The following SPAG17 variants were observed in gnomAD, a reference collection of about 807,000 sequenced individuals.
SPAG17 encodes sperm associated antigen 17.
In SPAG17, 169 loss-of-function variants were observed where a neutral mutation model predicts 273.6. The ratio of observed to expected loss-of-function variants is 0.62; its 90% CI spans 0.55 to 0.70. The LOEUF (loss-of-function observed/expected upper bound fraction) is 0.70. Ranked by LOEUF, SPAG17 falls within the 30% of genes least tolerant of loss-of-function variation. The pLI is 0.00. For synonymous variants in SPAG17, 825 were observed against 873.2 expected (o/e 0.94, Z 0.97); for missense variants, 2,557 against 2,627.8 (o/e 0.97, Z 0.59).
At chr1:118,084,227 G>C (rs1654820144) in intron 13 of SPAG17, among the ~76,000 whole-genome samples, 1 of 152,146 alleles carries the variant, frequency 6.6e-6, no homozygotes, top group African/African-American at 2.4e-5. Flanking sequence ...ATGTCCAGGA[G>C]TCAATGGTAG....
At position 118,023,317 on chromosome 1, in the gene SPAG17, G is replaced by A. The variant is rs1446286327; in HGVS notation, c.4056C>T (p.Thr1352=). ...QKSETIPSEI[T]NTKKGKSHKS... ...TTCAATTGTTACCTTTCTTTGTGTT[G>A]GTAATCTCAGATGGTATCGTTTCTG... The change falls in exon 28 of 49, where the codon ACC becomes ACT. Residue 1352 remains threonine (T), a synonymous_variant. Transcript: ENST00000336338. 2 of 1,609,464 alleles carry A rather than the reference G, an allele frequency of 1.2e-6. No homozygotes were observed. The highest frequency in any genetic ancestry group is 1.7e-6 in the Non-Finnish European group (2 of 1,177,442).
At chr1:118,034,106 C>T (rs1648796523) in intron 24 of SPAG17, among the ~76,000 whole-genome samples, 1 of 152,138 alleles carries the variant, frequency 6.6e-6, no homozygotes, top group Non-Finnish European at 1.5e-5. Context: ...TCTGGAAATT[C>T]CCCTCCTCAT....
intron 17 of SPAG17, among the ~76,000 whole-genome samples, chr1:118,069,715 A>G (rs886707972): frequency 6.6e-6 from 1 of 152,214 alleles, no homozygotes; most frequent in Non-Finnish European, 1.5e-5. Flanking sequence ...GAGATCATCA[A>G]AGAAGGGTGT....
chr1:118,137,913 A>C (rs1280572008), intron 3 of SPAG17, among the ~76,000 whole-genome samples: 1 of 152,238 alleles, frequency 6.6e-6, no homozygotes, highest in Non-Finnish European at 1.5e-5. Flanking sequence ...AGAATTTCAG[A>C]AATAGAGGTC....
chr1:118,160,191 C>A (rs1467317369), intron 1 of SPAG17, among the ~76,000 whole-genome samples: 1 of 152,146 alleles, frequency 6.6e-6, no homozygotes, highest in East Asian at 1.9e-4. Context: ...AAGCTACAAC[C>A]TTTCATCAAC....
At chr1:117,995,226 T>G (rs992659057) in intron 34 of SPAG17, among the ~76,000 whole-genome samples, 7 of 152,144 alleles carry the variant, frequency 4.6e-5, no homozygotes, top group Non-Finnish European at 8.8e-5. Flanking sequence ...GGAAGCCTTC[T>G]TGACTATGTC....
At chr1:118,042,097 T>C (rs1292799678) in intron 20 of SPAG17, 55 bp from the exon 21 acceptor site, 1 of 1,563,080 alleles carries the variant, frequency 6.4e-7, no homozygotes, top group East Asian at 2.2e-5. Flanking sequence ...AAACATAGGT[T>C]CCATTCAGGT....
chr1:118,091,708 G>T lies in SPAG17; in HGVS notation c.1257C>A (p.Val419=). The T allele has an allele frequency of 6.3e-7, 1 of 1,582,188 alleles. No homozygotes were observed. The highest frequency in any genetic ancestry group is 1.1e-5 in the South Asian group (1 of 90,070). ...EPQAPPPVTS[V]ITTEVDMRYY... is the part of the protein sequence containing the mutation. Reference sequence around the variant, plus strand: ...ATCTCATGTCTACTTCAGTTGTGATGACTGAAGTCACTGTAAAATATAGAA... The same window carrying T: ...ATCTCATGTCTACTTCAGTTGTGATTACTGAAGTCACTGTAAAATATAGAA... The change falls in exon 10 of 49, where the codon GTC becomes GTA. Residue 419 remains valine (V), a synonymous_variant. Transcript: ENST00000336338.
At chr1:117,962,716 C>G (rs1342918207) in intron 48 of SPAG17, 1 of 152,182 alleles carries the variant, frequency 6.6e-6, no homozygotes, top group Non-Finnish European at 1.5e-5. Flanking sequence ...TTCTCAATGG[C>G]AAATGTCATA....
At chr1:118,132,273 G>A (rs75198581) in intron 3 of SPAG17, among the ~76,000 whole-genome samples, 6,994 of 152,144 alleles carry the variant, frequency 0.046, 249 homozygotes, top group Non-Finnish European at 0.076. Flanking sequence ...GGAGAGCAGT[G>A]ACCCAGGAAG....
chr1:118,124,588 T>C (rs1456535452), intron 3 of SPAG17, among the ~76,000 whole-genome samples: 1 of 152,222 alleles, frequency 6.6e-6, no homozygotes, highest in African/African-American at 2.4e-5. Flanking sequence ...TTTAGGAATA[T>C]ATTTCAAGTA....
intron 3 of SPAG17, among the ~76,000 whole-genome samples, chr1:118,143,267 A>T (rs1279506056): frequency 1.3e-5 from 2 of 152,246 alleles, no homozygotes; most frequent in African/African-American, 4.8e-5. Flanking sequence ...AAACCACAAC[A>T]GTCACTTCCA....
intron 32 of SPAG17, among the ~76,000 whole-genome samples, chr1:118,001,996 G>A (rs1024174366): frequency 5.3e-5 from 8 of 152,202 alleles, no homozygotes; most frequent in Non-Finnish European, 1.2e-4. Flanking sequence ...TGCTTTAAAT[G>A]TGTCCCAGAG....
At chr1:118,145,846 G>A (rs1465312549) in intron 3 of SPAG17, among the ~76,000 whole-genome samples, 1 of 152,082 alleles carries the variant, frequency 6.6e-6, no homozygotes, top group Non-Finnish European at 1.5e-5. Flanking sequence ...ATCAACTAGA[G>A]CATAAGAACT....
chr1:118,010,129 TATATA>T (rs1659323946), intron 30 of SPAG17, among the ~76,000 whole-genome samples: 1 of 152,100 alleles, frequency 6.6e-6, no homozygotes, highest in South Asian at 2.1e-4. Flanking sequence ...AAATTTCAGT[TATATA>T]AGAGGAATAA....
intron 7 of SPAG17, among the ~76,000 whole-genome samples, chr1:118,094,976 T>C (rs954164371): frequency 3.3e-5 from 5 of 152,200 alleles, no homozygotes; most frequent in Admixed American, 2.6e-4. Context: ...CCTGAATGTT[T>C]TCATTGTTGA....
At chr1:118,033,915 T>C (rs80303648) in intron 24 of SPAG17, among the ~76,000 whole-genome samples, 2,232 of 152,372 alleles carry the variant, frequency 0.015, 27 homozygotes, top group Non-Finnish European at 0.025. Flanking sequence ...TGTTTATGTA[T>C]AATTTCCAGC....
intron 46 of SPAG17, among the ~76,000 whole-genome samples, chr1:117,968,340 T>G (rs975567255): frequency 6.6e-6 from 1 of 152,204 alleles, no homozygotes; most frequent in Non-Finnish European, 1.5e-5. Flanking sequence ...CATTTTGGCT[T>G]TTGGCATAAT....
chr1:118,129,976 T>G (rs17037904), intron 3 of SPAG17, among the ~76,000 whole-genome samples: 9,448 of 152,252 alleles, frequency 0.062, 451 homozygotes, highest in East Asian at 0.26. Context: ...AGTTCTTGGT[T>G]TCTCCACAAT....
Sources: gnomAD v4.1 joint callset for allele counts (sites outside exome capture counted in the v4.1 genomes callset) on GRCh38, gnomAD v4.1.1 for gene constraint, MANE v1.5 for transcripts, NCBI Gene and HGNC (gene_info 2026-07-23, HGNC 2026-07-21) for gene names.